The following SANBR variants were observed in gnomAD, a reference collection of about 807,000 sequenced individuals.
The protein encoded by SANBR is SANT and BTB domain regulator of class switch recombination.
In SANBR, 77 loss-of-function variants were observed where a neutral mutation model predicts 101.8. That is an observed-to-expected ratio of 0.76 (90% confidence interval 0.63 to 0.91). The LOEUF is 0.91. SANBR is among the 40% of genes least tolerant of loss of function. The pLI is 0.00. For synonymous variants in SANBR, 279 were observed against 274.7 expected, an observed-to-expected ratio of 1.02 and a Z score of -0.15; for missense variants, 875 against 853.0, an observed-to-expected ratio of 1.03 and a Z score of -0.32.
At chr2:61,105,611 C>T (rs1329173923) in intron 13 of SANBR, among the ~76,000 whole-genome samples, 1 of 151,972 alleles carries the variant, frequency 6.6e-6, no homozygotes, top group Non-Finnish European at 1.5e-5. Context: ...CGTGAACCAC[C>T]CGCCTCTGCC....
chr2:61,124,249 T>A lies in SANBR; in HGVS notation c.*2087T>A. The stretch of plus-strand genomic sequence containing the variant: ...CCTTACATTAATCCTGGATTCACAT[T>A]TCTTTAATTGAAATAAATGTTAATG... On this transcript the variant is annotated 3_prime_UTR_variant, in exon 22 of 22. Transcript: ENST00000402291. The A allele has an allele frequency of 3.1e-6, 3 of 967,316 alleles. No individual in the cohort carries two copies. The highest frequency in any genetic ancestry group is 3.7e-6 in the Non-Finnish European group (3 of 813,314). The allele number at this position is 967,316 out of a possible 1,614,324, so 59.9% of individuals were successfully genotyped here.
chr2:61,103,961 G>C lies in SANBR; in HGVS notation c.1474G>C (p.Asp492His), dbSNP rs1490550289. 5.6e-6 allele frequency: 9 copies of C among 1,614,044 alleles called. No homozygotes were observed. Among genetic ancestry groups the C allele is most frequent in the Non-Finnish European group, 7.6e-6 (9 of 1,180,004 alleles). Residue 492 changes from aspartate (D) to histidine (H), a missense_variant, in exon 13 of 22, where the codon GAT becomes CAT. Coordinates refer to ENST00000402291, the MANE Select transcript of SANBR (RefSeq NM_001129993.3). ...GTTGGACGATTTGCACAAGTACAGA[G>C]ATGTCATTGTTGTGCCTTTTTCAAA... ...RMLDDLHKYR[D>H]VIVVPFSKDT...
intron 12 of SANBR, among the ~76,000 whole-genome samples, chr2:61,103,638 T>TA (rs1178592572): frequency 6.6e-6 from 1 of 152,226 alleles, no homozygotes; most frequent in African/African-American, 2.4e-5. Context: ...TTCTAATTCT[T>TA]AATGTGGATT....
chr2:61,093,510 A>C (rs568368070), intron 11 of SANBR: 1 of 152,104 alleles, frequency 6.6e-6, no homozygotes, highest in Non-Finnish European at 1.5e-5. Flanking sequence ...TGGGAGAATC[A>C]CTTGAACCCG....
chr2:61,111,557 A>G (rs1683831653), intron 16 of SANBR, among the ~76,000 whole-genome samples: 1 of 152,274 alleles, frequency 6.6e-6, no homozygotes, highest in Non-Finnish European at 1.5e-5. Flanking sequence ...TTTCTTTTCA[A>G]CAGTTTGATT....
chr2:61,085,404 C>T (rs1200671771), intron 8 of SANBR, among the ~76,000 whole-genome samples: 2 of 152,062 alleles, frequency 1.3e-5, no homozygotes, highest in African/African-American at 2.4e-5. Context: ...TCCTTTCCCC[C>T]ACTGAATTGC....
chr2:61,103,398 C>G (rs1047054686), intron 12 of SANBR, among the ~76,000 whole-genome samples: 3 of 152,126 alleles, frequency 2.0e-5, no homozygotes, highest in Admixed American at 6.5e-5. Context: ...CTTGGCCTCC[C>G]AAAGTGCTGG....
At chr2:61,070,675 TTATA>T (rs2104841522) in intron 3 of SANBR, among the ~76,000 whole-genome samples, 175 bp downstream of exon 3, 1 of 140,850 alleles carries the variant, frequency 7.1e-6, no homozygotes, top group South Asian at 2.2e-4. Flanking sequence ...ATTTTATATA[TTATA>T]TATAGTATAT....
downstream of SANBR, among the ~76,000 whole-genome samples, chr2:61,124,647 A>G (rs1369790310): frequency 6.6e-6 from 1 of 152,000 alleles, no homozygotes; most frequent in African/African-American, 2.4e-5. Context: ...GCAAGGCTTC[A>G]GTGAGCCATG....
intron 11 of SANBR, among the ~76,000 whole-genome samples, chr2:61,096,403 C>T (rs749650602): frequency 6.6e-6 from 1 of 152,158 alleles, no homozygotes; most frequent in Non-Finnish European, 1.5e-5. Context: ...AGTTTCCCTT[C>T]TCCAAACCAA....
intron 1 of SANBR, among the ~76,000 whole-genome samples, chr2:61,067,280 T>C (rs529408299): frequency 2.0e-4 from 30 of 152,210 alleles, no homozygotes; most frequent in Non-Finnish European, 4.0e-4. Context: ...TAGCATAAAT[T>C]AGTATCACAT....
chr2:61,074,082 C>A (rs1469046456), intron 5 of SANBR, among the ~76,000 whole-genome samples: 2 of 152,078 alleles, frequency 1.3e-5, no homozygotes, highest in East Asian at 3.8e-4. Flanking sequence ...TAACCATCAC[C>A]CAAATCAAGA....
At chr2:61,101,018 T>TCATC (rs1559116292) in intron 12 of SANBR, among the ~76,000 whole-genome samples, 1 of 152,226 alleles carries the variant, frequency 6.6e-6, no homozygotes, top group Non-Finnish European at 1.5e-5. Flanking sequence ...TGTTACTGAA[T>TCATC]GATGGGTCAT....
At chr2:61,118,426 A>G (rs985965803) in intron 20 of SANBR, among the ~76,000 whole-genome samples, 14 of 151,566 alleles carry the variant, frequency 9.2e-5, no homozygotes, top group Admixed American at 1.3e-4. Flanking sequence ...TATTTAGTAG[A>G]GATGGGGTTT....
At chr2:61,098,989 C>T (rs1256443140) in intron 12 of SANBR, among the ~76,000 whole-genome samples, 1 of 152,156 alleles carries the variant, frequency 6.6e-6, no homozygotes, top group African/African-American at 2.4e-5. Flanking sequence ...CTCAAAGGAG[C>T]TGGCATTAGG....
chr2:61,114,389 G>A (rs190606282), intron 16 of SANBR, among the ~76,000 whole-genome samples: 99 of 152,278 alleles, frequency 6.5e-4, no homozygotes, highest in Non-Finnish European at 1.1e-3. Flanking sequence ...GATTGTCAAC[G>A]GTTAGTCTTA....
At chr2:61,066,368 T>G (rs1468824506) in intron 1 of SANBR, 1 of 152,450 alleles carries the variant, frequency 6.6e-6, no homozygotes, top group Non-Finnish European at 1.5e-5. Context: ...TCTGCGCCCC[T>G]GGAGTTTCTG....
intron 14 of SANBR, among the ~76,000 whole-genome samples, chr2:61,106,882 G>C (rs903495577): frequency 2.6e-5 from 4 of 152,008 alleles, no homozygotes; most frequent in Non-Finnish European, 5.9e-5. Context: ...AAACAACATG[G>C]GGCCAGCCAC....
At chr2:61,127,804 TA>T (rs780815146), downstream of SANBR, among the ~76,000 whole-genome samples, 2 of 151,992 alleles carry the variant, frequency 1.3e-5, no homozygotes, top group Non-Finnish European at 2.9e-5. Flanking sequence ...GAAAGGAAGA[TA>T]AAAAAATGTT....
Sources: gnomAD v4.1 joint callset for allele counts (sites outside exome capture counted in the v4.1 genomes callset) on GRCh38, gnomAD v4.1.1 for gene constraint, MANE v1.5 for transcripts, NCBI Gene and HGNC (gene_info 2026-07-23, HGNC 2026-07-21) for gene names.